Variants in EXOC6 observed in about 807,000 individuals in gnomAD.
EXOC6 encodes the protein SEC15-like 1.
In EXOC6, 60 loss-of-function variants were observed where a neutral mutation model predicts 112.5. The observed-to-expected ratio is 0.53, with a 90% CI of 0.43 to 0.66. EXOC6 has a LOEUF of 0.66. Among genes scored for constraint, EXOC6 ranks in the 30% least tolerant of loss-of-function variants. The pLI, the probability that EXOC6 is intolerant of heterozygous loss-of-function variation, is 0.00. For missense variants in EXOC6, 855 were observed against 957.1 expected, an observed-to-expected ratio of 0.89 and a Z score of 1.41; for synonymous variants, 295 against 308.0, an observed-to-expected ratio of 0.96 and a Z score of 0.44.
intron 19 of EXOC6, among the ~76,000 whole-genome samples, chr10:93,008,011 T>C (rs529863238): frequency 1.3e-5 from 2 of 152,014 alleles, no homozygotes; most frequent in South Asian, 4.2e-4. Context: ...CCTTCTCTTC[T>C]AAAAATACAA....
chr10:93,040,425 T>A (rs1845705216), intron 20 of EXOC6, among the ~76,000 whole-genome samples: 1 of 152,096 alleles, frequency 6.6e-6, no homozygotes. Flanking sequence ...TTTTTTGTAT[T>A]TTTAGTAGAG....
chr10:92,971,828 C>T (rs1204972044), intron 17 of EXOC6, among the ~76,000 whole-genome samples: 3 of 151,946 alleles, frequency 2.0e-5, no homozygotes, highest in Admixed American at 6.6e-5. Context: ...GCTTTTTTTC[C>T]GTGTATTGGT....
chr10:92,899,745 T>A (rs1269373132), intron 5 of EXOC6, 101 bp downstream of exon 5: 1 of 872,458 alleles, frequency 1.1e-6, no homozygotes, highest in Non-Finnish European at 1.8e-6. Context: ...TGAGTTTTGC[T>A]TTCTTCATTA....
chr10:92,919,847 G>A, intron 7 of EXOC6, 135 bp from the exon 8 acceptor site: 1 of 541,848 alleles, frequency 1.8e-6, no homozygotes. Flanking sequence ...TATAGTGTAT[G>A]CTTTCTATGG....
chr10:92,878,459 T>C (rs1425830789), intron 1 of EXOC6, among the ~76,000 whole-genome samples: 3 of 152,170 alleles, frequency 2.0e-5, no homozygotes, highest in Non-Finnish European at 4.4e-5. Context: ...GGGTGGACTT[T>C]CCGCATGCCC....
At chr10:92,845,155 CTG>C (rs1454426575), upstream of EXOC6, among the ~76,000 whole-genome samples, 2 of 152,194 alleles carry the variant, frequency 1.3e-5, no homozygotes, top group Non-Finnish European at 2.9e-5. Context: ...GGATTGATCT[CTG>C]GAAGTCAATA....
chr10:93,018,090 C>T (rs1844624719), intron 20 of EXOC6, among the ~76,000 whole-genome samples: 1 of 150,768 alleles, frequency 6.6e-6, no homozygotes, highest in African/African-American at 2.4e-5. Flanking sequence ...ATCACATAAC[C>T]ATCTTTGACA....
Position 92,894,990 on chromosome 10 carries a change from G to A in EXOC6, c.382G>A (p.Val128Ile). ...CRIQQRNITTVVEKLQLCLPV... is the reference protein window; with the variant it reads ...CRIQQRNITTIVEKLQLCLPV... Reference sequence around the variant, plus strand: ...AATTCAGCAGAGAAATATTACAACTGTAGTAGAAAAATTGCAGTTATGCCT... The same window carrying A: ...AATTCAGCAGAGAAATATTACAACTATAGTAGAAAAATTGCAGTTATGCCT... Residue 128 changes from valine (V) to isoleucine (I), a missense_variant, in exon 4 of 22, where the codon GTA becomes ATA. Val to Ile is a conservative substitution (Grantham distance 29). This residue lies in a region of EXOC6 where 405 missense variants were observed against 393.6 expected (regional missense o/e 1.03). Coordinates refer to ENST00000260762, the MANE Select transcript of EXOC6 (RefSeq NM_019053.6). 6.2e-7 allele frequency: 1 copy of A among 1,612,018 alleles called. No homozygotes were observed. Among genetic ancestry groups the A allele is most frequent in the Non-Finnish European group, 8.5e-7 (1 of 1,178,294 alleles).
chr10:92,877,501 C>T (rs906876000), intron 1 of EXOC6, among the ~76,000 whole-genome samples: 1 of 152,132 alleles, frequency 6.6e-6, no homozygotes, highest in African/African-American at 2.4e-5. Context: ...GTGATGTATG[C>T]AAAATTGCTT....
At chr10:92,967,190 C>T (rs1275414525) in intron 17 of EXOC6, among the ~76,000 whole-genome samples, 1 of 138,760 alleles carries the variant, frequency 7.2e-6, no homozygotes, top group African/African-American at 2.7e-5. Flanking sequence ...TGGATATTAG[C>T]CCTTTGTCAG....
chr10:92,906,630 T>C (rs1188879888), intron 5 of EXOC6, among the ~76,000 whole-genome samples: 1 of 152,188 alleles, frequency 6.6e-6, no homozygotes, highest in African/African-American at 2.4e-5. Flanking sequence ...AGACTTAACA[T>C]TCCAACTATA....
intron 20 of EXOC6, among the ~76,000 whole-genome samples, chr10:93,049,308 TC>T (rs1846168471): frequency 6.6e-6 from 1 of 152,002 alleles, no homozygotes; most frequent in African/African-American, 2.4e-5. Context: ...TGATCCACCC[TC>T]CTTGGCCTCC....
intron 1 of EXOC6, among the ~76,000 whole-genome samples, chr10:92,856,763 C>T (rs1847621233): frequency 1.3e-5 from 2 of 152,126 alleles, no homozygotes; most frequent in African/African-American, 2.4e-5. Flanking sequence ...CTTAGTTGTT[C>T]TATCCATTAT....
At chr10:92,932,115 C>G (rs114427329) in intron 9 of EXOC6, among the ~76,000 whole-genome samples, 1 of 151,816 alleles carries the variant, frequency 6.6e-6, no homozygotes, top group Non-Finnish European at 1.5e-5. Flanking sequence ...TGGAACTACT[C>G]GGCACTAAAA....
chr10:92,997,791 A>G (rs835243), intron 19 of EXOC6, among the ~76,000 whole-genome samples, 176 bp downstream of exon 19: 1,582 of 152,304 alleles, frequency 0.01, 29 homozygotes, highest in African/African-American at 0.036. Context: ...AAAATATCTC[A>G]GCTTCACATT....
chr10:92,865,506 C>T (rs1260679377), intron 1 of EXOC6, among the ~76,000 whole-genome samples: 1 of 152,070 alleles, frequency 6.6e-6, no homozygotes, highest in Non-Finnish European at 1.5e-5. Context: ...CACTGCACTC[C>T]AGCCTGGGCG....
chr10:92,991,146 G>A (rs1843221989), intron 18 of EXOC6, among the ~76,000 whole-genome samples: 1 of 146,780 alleles, frequency 6.8e-6, no homozygotes, highest in Admixed American at 6.8e-5. Flanking sequence ...TTTTTCCCAA[G>A]ACAGAGTCTG....
chr10:92,991,755 G>C (rs1589990820), intron 18 of EXOC6, among the ~76,000 whole-genome samples: 2 of 141,618 alleles, frequency 1.4e-5, no homozygotes, highest in South Asian at 4.8e-4. Flanking sequence ...CTCTCTCTCT[G>C]TATGTGTGTG....
intron 4 of EXOC6, among the ~76,000 whole-genome samples, chr10:92,897,482 G>A (rs1412110957): frequency 2.6e-5 from 4 of 152,140 alleles, no homozygotes; most frequent in Non-Finnish European, 5.9e-5. Context: ...AAATCACTAA[G>A]CCAAGAAAAA....
Sources: gnomAD v4.1 joint callset for allele counts (sites outside exome capture counted in the v4.1 genomes callset) on GRCh38, gnomAD v4.1.1 for gene constraint, gnomAD v4.1.1 regional missense constraint, MANE v1.5 for transcripts, NCBI Gene and HGNC (gene_info 2026-07-23, HGNC 2026-07-21) for gene names.